Variants in PDE4D observed in about 807,000 individuals in gnomAD.
PDE4D encodes the protein phosphodiesterase 4D, also known as 3',5'-cyclic-AMP phosphodiesterase 4D.
PDE4D carries 24 observed loss-of-function variants against 87.4 expected under a neutral mutation model. The observed-to-expected ratio is 0.27, with a 90% confidence interval of 0.20 to 0.39. The LOEUF is 0.39. Among genes scored for constraint, PDE4D ranks in the 10% least tolerant of loss-of-function variants. The pLI is 1.00. For synonymous variants in PDE4D, 384 were observed against 383.2 expected (o/e 1.00, Z -0.02); for missense variants, 714 against 1,041.0 (o/e 0.69, Z 4.32).
chr5:59,636,171 C>T (rs1336936878), intron 1 of PDE4D, among the ~76,000 whole-genome samples: 1 of 152,130 alleles, frequency 6.6e-6, no homozygotes, highest in East Asian at 1.9e-4. Context: ...ATACAACTTA[C>T]AAGGGATGTG....
intron 2 of PDE4D, among the ~76,000 whole-genome samples, chr5:60,066,978 C>A (rs368513952): frequency 6.6e-6 from 1 of 152,040 alleles, no homozygotes; most frequent in Non-Finnish European, 1.5e-5. Context: ...AAATTTCTCA[C>A]ACTACTTCAA....
chr5:59,678,690 TCTGAC>T (rs1748519037), intron 1 of PDE4D, among the ~76,000 whole-genome samples: 1 of 152,002 alleles, frequency 6.6e-6, no homozygotes, highest in South Asian at 2.1e-4. Flanking sequence ...GTCTTAAATT[TCTGAC>T]CTCAAGTGAT....
intron 1 of PDE4D, among the ~76,000 whole-genome samples, chr5:59,868,525 G>A (rs1253300583): frequency 2.0e-5 from 3 of 152,120 alleles, no homozygotes; most frequent in Admixed American, 1.3e-4. Flanking sequence ...GAATCCTGGG[G>A]ACCACCCTCT....
chr5:60,167,567 T>G (rs779456211), intron 2 of PDE4D, among the ~76,000 whole-genome samples: 5 of 152,204 alleles, frequency 3.3e-5, no homozygotes, highest in Non-Finnish European at 4.4e-5. Context: ...AGTTTACAGA[T>G]TCTTTTTCTG....
At chr5:59,748,530 T>A (rs970803934) in intron 1 of PDE4D, among the ~76,000 whole-genome samples, 5 of 151,760 alleles carry the variant, frequency 3.3e-5, no homozygotes, top group African/African-American at 1.2e-4. Flanking sequence ...AAACCATCAT[T>A]CTCAGCAAAC....
chr5:60,004,700 G>GA (rs1435208074), intron 2 of PDE4D, among the ~76,000 whole-genome samples: 1 of 152,020 alleles, frequency 6.6e-6, no homozygotes, highest in Non-Finnish European at 1.5e-5. Context: ...CATACAAATG[G>GA]CCAAAAGGTA....
chr5:60,107,615 T>C (rs1349709301), intron 2 of PDE4D, among the ~76,000 whole-genome samples: 1 of 152,144 alleles, frequency 6.6e-6, no homozygotes, highest in East Asian at 1.9e-4. Flanking sequence ...CTCAATAAAA[T>C]ACTGGCAAAC....
chr5:60,221,014 A>C (rs1479191483), intron 1 of PDE4D, among the ~76,000 whole-genome samples: 1 of 152,168 alleles, frequency 6.6e-6, no homozygotes, highest in Non-Finnish European at 1.5e-5. Flanking sequence ...GCATTATTTA[A>C]ATAATGAGAA....
intron 5 of PDE4D, among the ~76,000 whole-genome samples, chr5:59,069,684 C>T (rs953257750): frequency 3.9e-5 from 6 of 152,072 alleles, no homozygotes; most frequent in Admixed American, 2.6e-4. Flanking sequence ...AGCCTTTATC[C>T]GCATTCCACT....
intron 1 of PDE4D, among the ~76,000 whole-genome samples, chr5:59,869,068 G>A (rs1747445228): frequency 6.6e-6 from 1 of 152,076 alleles, no homozygotes; most frequent in Admixed American, 6.6e-5. Context: ...TTGTGCTCTG[G>A]GTTGATGATA....
chr5:60,187,782 T>C (rs1784898860), intron 1 of PDE4D, among the ~76,000 whole-genome samples: 2 of 152,134 alleles, frequency 1.3e-5, no homozygotes, highest in Admixed American at 1.3e-4. Flanking sequence ...CTAGCGTCAG[T>C]AAAAGGGTAT....
At chr5:60,301,951 T>C (rs1020550139) in intron 1 of PDE4D, among the ~76,000 whole-genome samples, 29 of 151,768 alleles carry the variant, frequency 1.9e-4, no homozygotes, top group Admixed American at 6.6e-4. Context: ...TTGTCTTTAG[T>C]TTTTTTTATA....
At chr5:59,995,755 T>C (rs2152835462) in intron 2 of PDE4D, among the ~76,000 whole-genome samples, 1 of 152,332 alleles carries the variant, frequency 6.6e-6, no homozygotes, top group Non-Finnish European at 1.5e-5. Flanking sequence ...TTTGCCTGTG[T>C]GACTACTCAC....
intron 1 of PDE4D, among the ~76,000 whole-genome samples, chr5:59,246,644 T>C (rs937719047): frequency 1.3e-5 from 2 of 152,178 alleles, no homozygotes; most frequent in Admixed American, 1.3e-4. Flanking sequence ...AATTTTTATA[T>C]GGTTGCTCTT....
At chr5:59,355,778 A>G (rs1781282985) in intron 1 of PDE4D, among the ~76,000 whole-genome samples, 1 of 152,138 alleles carries the variant, frequency 6.6e-6, no homozygotes, top group Non-Finnish European at 1.5e-5. Context: ...TTCCAAGGAC[A>G]TTATCTTCTT....
intron 1 of PDE4D, chr5:59,217,453 T>A (rs1283702989): frequency 2.9e-6 from 1 of 349,828 alleles, no homozygotes; most frequent in Admixed American, 3.9e-5. Flanking sequence ...GAATCTGTGA[T>A]CAAATAACAG....
chr5:59,868,506 C>T (rs1339661634), intron 1 of PDE4D, among the ~76,000 whole-genome samples: 8 of 152,098 alleles, frequency 5.3e-5, no homozygotes. Context: ...GTCTCACAGA[C>T]CCCTAAGAGA....
intron 5 of PDE4D, among the ~76,000 whole-genome samples, chr5:59,107,428 C>A (rs1364537070): frequency 6.6e-6 from 1 of 152,244 alleles, no homozygotes; most frequent in African/African-American, 2.4e-5. Context: ...AGGCTGGTCT[C>A]GAACTCCCAA....
intron 6 of PDE4D, among the ~76,000 whole-genome samples, chr5:59,010,772 A>G (rs570322163): frequency 6.6e-6 from 1 of 152,144 alleles, no homozygotes; most frequent in African/African-American, 2.4e-5. Context: ...TGCATTTCCA[A>G]CTGAGCTTTG....
Sources: gnomAD v4.1 joint callset for allele counts (sites outside exome capture counted in the v4.1 genomes callset) on GRCh38, gnomAD v4.1.1 for gene constraint, MANE v1.5 for transcripts, NCBI Gene and HGNC (gene_info 2026-07-23, HGNC 2026-07-21) for gene names.